Variants in NR3C2 observed in about 807,000 individuals in gnomAD.
NR3C2 encodes nuclear receptor subfamily 3 group C member 2.
In NR3C2, 15 loss-of-function variants were observed where a neutral mutation model predicts 86.4. That is an observed-to-expected ratio of 0.17 (90% CI 0.12 to 0.27). The LOEUF (loss-of-function observed/expected upper bound fraction) is 0.27, where lower values mean the gene tolerates loss of function less well. Among genes scored for constraint, NR3C2 ranks in the 10% least tolerant of loss-of-function variants. The pLI, the probability that NR3C2 is intolerant of heterozygous loss-of-function variation, is 1.00. For missense variants in NR3C2, 960 were observed against 1,195.6 expected (o/e 0.80, Z 2.91); for synonymous variants, 458 against 450.5 (o/e 1.02, Z -0.21).
At chr4:148,139,375 T>C (rs1283006615) in intron 6 of NR3C2, among the ~76,000 whole-genome samples, 2 of 152,186 alleles carry the variant, frequency 1.3e-5, no homozygotes, top group African/African-American at 2.4e-5. Context: ...AAATGGAGTA[T>C]TGGAGATAGT....
At chr4:148,441,195 C>CAA (rs1750321936) in intron 1 of NR3C2, among the ~76,000 whole-genome samples, 1 of 152,162 alleles carries the variant, frequency 6.6e-6, no homozygotes. Flanking sequence ...AATCGCCAAA[C>CAA]AAAACTATGC....
chr4:148,301,164 C>T (rs1561027935), intron 2 of NR3C2, among the ~76,000 whole-genome samples: 2 of 151,972 alleles, frequency 1.3e-5, no homozygotes, highest in Non-Finnish European at 2.9e-5. Flanking sequence ...AATCTTATAG[C>T]TACTGGATCT....
At chr4:148,434,806 T>C (rs1485898029) in intron 2 of NR3C2, among the ~76,000 whole-genome samples, 1 of 152,176 alleles carries the variant, frequency 6.6e-6, no homozygotes. Context: ...GTATTTACAA[T>C]AGTAACTGGC....
At chr4:148,217,438 GTCA>G (rs1737599028) in intron 3 of NR3C2, among the ~76,000 whole-genome samples, 1 of 152,234 alleles carries the variant, frequency 6.6e-6, no homozygotes, top group African/African-American at 2.4e-5. Flanking sequence ...GACAGGGCCA[GTCA>G]TACCTTCCTG....
intron 3 of NR3C2, among the ~76,000 whole-genome samples, chr4:148,242,897 G>A (rs1321606558): frequency 1.3e-5 from 2 of 152,056 alleles, no homozygotes; most frequent in Non-Finnish European, 2.9e-5. Flanking sequence ...AAAGTTTTAT[G>A]TGTACTCAAT....
intron 2 of NR3C2, among the ~76,000 whole-genome samples, chr4:148,399,632 TTACA>T (rs1748038624): frequency 6.7e-6 from 1 of 150,314 alleles, no homozygotes; most frequent in African/African-American, 2.5e-5. Flanking sequence ...TTTATACACC[TTACA>T]TAAACAAACA....
intron 8 of NR3C2, among the ~76,000 whole-genome samples, chr4:148,091,642 C>T (rs1482353799): frequency 3.3e-5 from 5 of 152,210 alleles, no homozygotes; most frequent in Admixed American, 6.5e-5. Flanking sequence ...CCTGTACATT[C>T]ATGTGGGCAC....
chr4:148,146,628 A>G (rs1461518592), intron 6 of NR3C2: 6 of 152,222 alleles, frequency 3.9e-5, no homozygotes, highest in Admixed American at 3.3e-4. Flanking sequence ...CTGCCCTCAC[A>G]CAACTAGTGC....
At chr4:148,299,024 C>T (rs938539379) in intron 2 of NR3C2, among the ~76,000 whole-genome samples, 1 of 152,220 alleles carries the variant, frequency 6.6e-6, no homozygotes, top group African/African-American at 2.4e-5. Context: ...CTGGCCTCTT[C>T]AGCTCATGCA....
intron 2 of NR3C2, among the ~76,000 whole-genome samples, chr4:148,348,844 C>T (rs4835136): frequency 0.3 from 45,241 of 151,976 alleles, 7,303 homozygotes; most frequent in Middle Eastern, 0.41. Flanking sequence ...TGTTTATTGG[C>T]TTTATCAAAA....
chr4:148,113,588 C>T (rs540756554), intron 8 of NR3C2, among the ~76,000 whole-genome samples: 1 of 152,220 alleles, frequency 6.6e-6, no homozygotes, highest in Non-Finnish European at 1.5e-5. Flanking sequence ...TGATTCTTCC[C>T]AAAGCCCTGT....
At chr4:148,160,070 G>A (rs551202537) in intron 4 of NR3C2, among the ~76,000 whole-genome samples, 8 of 152,288 alleles carry the variant, frequency 5.3e-5, no homozygotes, top group African/African-American at 1.7e-4. Flanking sequence ...TAAAAGAGGA[G>A]TTTCATTTGT....
chr4:148,301,343 T>C (rs966824823), intron 2 of NR3C2, among the ~76,000 whole-genome samples: 2 of 152,164 alleles, frequency 1.3e-5, no homozygotes, highest in African/African-American at 2.4e-5. Flanking sequence ...CTTTGAGAAG[T>C]AAAAACAACC....
chr4:148,169,455 C>T (rs1735027438), intron 4 of NR3C2, among the ~76,000 whole-genome samples: 2 of 151,704 alleles, frequency 1.3e-5, no homozygotes, highest in Admixed American at 6.6e-5. Context: ...GTAAGATATA[C>T]TATGTAGCTA....
rs1445597448 is a variant in NR3C2, at chr4:148,436,098, T to C, written c.763A>G (p.Ser255Gly). Residue 255 changes from serine (S) to glycine (G), a missense_variant, in exon 2 of 9, where the codon AGC becomes GGC. By Grantham distance (56) the Ser-to-Gly change is moderately conservative. Coordinates refer to ENST00000358102, the MANE Select transcript of NR3C2 (RefSeq NM_000901.5). ...CTTGAGAGAGGAGAGCCCACATTGC[T>C]AGCATGTGCAGGGCTGTGCGACCTG... The part of the protein sequence containing the change: ...GSRSHSPAHA[S>G]NVGSPLSSPL... 6.2e-7 allele frequency: 1 copy of C among 1,614,126 alleles called. No individual in the cohort carries two copies. The highest frequency in any genetic ancestry group is 1.6e-4 in the Middle Eastern group (1 of 6,062).
At chr4:148,211,594 T>C (rs1052287946) in intron 3 of NR3C2, among the ~76,000 whole-genome samples, 2 of 152,204 alleles carry the variant, frequency 1.3e-5, no homozygotes, top group Admixed American at 6.5e-5. Flanking sequence ...TTAAATTTGA[T>C]AAACCATGGC....
intron 6 of NR3C2, among the ~76,000 whole-genome samples, chr4:148,141,095 A>G (rs1733580900): frequency 6.6e-6 from 1 of 152,220 alleles, no homozygotes; most frequent in South Asian, 2.1e-4. Flanking sequence ...TGCCAGAAAG[A>G]GCACATATTA....
intron 2 of NR3C2, among the ~76,000 whole-genome samples, chr4:148,413,874 T>C (rs1313946071): frequency 6.6e-6 from 1 of 151,880 alleles, no homozygotes; most frequent in African/African-American, 2.4e-5. Context: ...ACATACTGGC[T>C]ACTGGCAGGC....
intron 3 of NR3C2, among the ~76,000 whole-genome samples, chr4:148,222,835 C>A (rs1056073720): frequency 3.3e-5 from 5 of 152,054 alleles, no homozygotes; most frequent in Admixed American, 6.6e-5. Flanking sequence ...TGCCTACCAG[C>A]TTTTTAGATA....
Sources: allele counts gnomAD v4.1 joint callset (sites outside exome capture counted in the v4.1 genomes callset), GRCh38; gene constraint gnomAD v4.1.1; transcripts MANE v1.5; gene names NCBI Gene and HGNC (gene_info 2026-07-23, HGNC 2026-07-21).